VPS13D: variants seen among roughly 807,000 people sequenced by gnomAD.
VPS13D encodes vacuolar protein sorting 13 homolog D.
Under a neutral mutation model 461.9 loss-of-function variants are expected in VPS13D, and 187 were observed. The ratio of observed to expected loss-of-function variants is 0.40; its 90% CI spans 0.36 to 0.46. The LOEUF is 0.46. Among genes scored for constraint, VPS13D ranks in the 20% least tolerant of loss-of-function variants. The pLI is 0.60. For missense variants in VPS13D, 4,711 were observed against 5,364.9 expected (o/e 0.88, Z 3.81); for synonymous variants, 1,951 against 1,986.3 (o/e 0.98, Z 0.47).
chr1:12,375,581 C>T (rs1261248760), intron 55 of VPS13D, among the ~76,000 whole-genome samples: 2 of 152,166 alleles, frequency 1.3e-5, no homozygotes, highest in Non-Finnish European at 2.9e-5. Context: ...TGTAACTCAT[C>T]CTCCGTCACC....
At chr1:12,454,028 C>T (rs559498893) in intron 65 of VPS13D, 12 of 152,200 alleles carry the variant, frequency 7.9e-5, no homozygotes, top group African/African-American at 1.9e-4. Flanking sequence ...TTCCCTCAAA[C>T]GCTGCAGGCA....
chr1:12,496,720 A>G (rs926721523), intron 67 of VPS13D, among the ~76,000 whole-genome samples: 1 of 152,232 alleles, frequency 6.6e-6, no homozygotes, highest in Non-Finnish European at 1.5e-5. Flanking sequence ...GTACTTACCA[A>G]TTACCCTGTA....
At chr1:12,452,028 C>G (rs1229417879) in intron 65 of VPS13D, among the ~76,000 whole-genome samples, 1 of 152,174 alleles carries the variant, frequency 6.6e-6, no homozygotes, top group Non-Finnish European at 1.5e-5. Context: ...TGTTGGGTGT[C>G]ACAGTCAAAA....
chr1:12,345,064 T>C (rs1374065637), intron 42 of VPS13D: 3 of 240,326 alleles, frequency 1.2e-5, no homozygotes, highest in African/African-American at 2.2e-5. Flanking sequence ...AGTGACATCA[T>C]TATATAGGTT....
At chr1:12,455,131 A>G (rs1362547512) in intron 65 of VPS13D, among the ~76,000 whole-genome samples, 2 of 152,226 alleles carry the variant, frequency 1.3e-5, no homozygotes, top group African/African-American at 2.4e-5. Flanking sequence ...CATGAGTTCA[A>G]GTCTGCCACC....
At position 12,285,521 on chromosome 1, in the gene VPS13D, C is replaced by T. The variant is rs186813356; in HGVS notation, c.5634+1785C>T. On this transcript the variant is annotated intron_variant, in intron 21 of 69. Transcript: ENST00000620676. ...GTCAGGCTGGTCTCAAACTCCTGAC[C>T]TCAAGTGGTCTGCCTGCCTCAGTCT... Among the ~76,000 whole-genome samples the T allele has an allele frequency of 1.8e-3, 279 of 152,076 alleles. 1 individual carries two copies. The highest frequency in any genetic ancestry group is 6.2e-3 in the African/African-American group (255 of 41,456).
At chr1:12,415,366 C>A (rs1456900441) in intron 64 of VPS13D, 145 bp downstream of exon 64, 5 of 1,032,992 alleles carry the variant, frequency 4.8e-6, no homozygotes, top group African/African-American at 4.8e-5. Flanking sequence ...GGTCACTTCC[C>A]AAGAAGCCCG....
At chr1:12,486,592 G>C (rs535475672) in intron 67 of VPS13D, among the ~76,000 whole-genome samples, 100 of 152,324 alleles carry the variant, frequency 6.6e-4, no homozygotes, top group Middle Eastern at 3.4e-3. Flanking sequence ...CAGCTCTCCA[G>C]TTGCCCTCTG....
chr1:12,298,563 G>A (rs1223902915), intron 24 of VPS13D, among the ~76,000 whole-genome samples: 2 of 151,818 alleles, frequency 1.3e-5, no homozygotes, highest in African/African-American at 4.8e-5. Context: ...TCTCACTTGA[G>A]GCCAGGAGGT....
rs898262231 is a variant in VPS13D, at chr1:12,438,997, G to A, written c.12334-17001G>A. ...CTCCCGCGCCCACCTTCTAGTCCTC[G>A]TTCATCTTTGGCCTGGTTTTTATTG... On this transcript the variant is annotated intron_variant, in intron 65 of 69. Coordinates refer to ENST00000620676, the MANE Select transcript of VPS13D (RefSeq NM_015378.4). Among the ~76,000 whole-genome samples the A allele has an allele frequency of 5.3e-5, 8 of 152,004 alleles. No homozygotes were observed. The East Asian group carries it at 7.7e-4, about 15-fold the overall frequency.
At chr1:12,292,182 C>T (rs971029156) in intron 23 of VPS13D, among the ~76,000 whole-genome samples, 3 of 141,866 alleles carry the variant, frequency 2.1e-5, no homozygotes, top group Admixed American at 1.5e-4. Context: ...TAGCTTGAAC[C>T]TGGGGGACGG....
intron 25 of VPS13D, among the ~76,000 whole-genome samples, chr1:12,300,039 C>A (rs12118401): frequency 6.6e-6 from 1 of 151,606 alleles, no homozygotes; most frequent in Non-Finnish European, 1.5e-5. Context: ...CGACTCCGCT[C>A]TAGTAGTTGA....
Position 12,303,547 on chromosome 1 carries a change from T to A in VPS13D, c.6217-959T>A, listed in dbSNP as rs1266887328. Among the ~76,000 whole-genome samples the A allele has an allele frequency of 2.6e-5, 4 of 152,336 alleles. No homozygotes were observed. In the East Asian group the frequency reaches 7.7e-4, roughly 29 times the overall value. On this transcript the variant is annotated intron_variant, in intron 25 of 69. Transcript: ENST00000620676. ...ATGACATTTACCTAGTAATCTGCCT[T>A]GCAAAAAAATAAAAAAATTGCAGAA...
chr1:12,443,163 C>A (rs950640645), intron 65 of VPS13D, among the ~76,000 whole-genome samples: 2 of 152,240 alleles, frequency 1.3e-5, no homozygotes, highest in African/African-American at 4.8e-5. Flanking sequence ...AAATCTTTCT[C>A]TTCTGTTTAC....
At chr1:12,345,598 T>G in intron 43 of VPS13D, 89 bp downstream of exon 43, 5 of 1,490,870 alleles carry the variant, frequency 3.4e-6, no homozygotes, top group Non-Finnish European at 4.5e-6. Flanking sequence ...AATGAAACTT[T>G]CTTGTTCTTT....
At chr1:12,508,781 G>T in intron 69 of VPS13D, 112 bp from the exon 70 acceptor site, 3 of 1,201,152 alleles carry the variant, frequency 2.5e-6, no homozygotes, top group Non-Finnish European at 3.5e-6. Flanking sequence ...TTTCTTTGAC[G>T]TGTACATCCC....
intron 67 of VPS13D, among the ~76,000 whole-genome samples, chr1:12,493,567 A>G (rs1227473996): frequency 6.6e-6 from 1 of 152,144 alleles, no homozygotes; most frequent in African/African-American, 2.4e-5. Flanking sequence ...TCACTTAAAA[A>G]TGGACACACT....
chr1:12,288,339 C>T, intron 22 of VPS13D, 26 bp downstream of exon 22: 1 of 1,597,384 alleles, frequency 6.3e-7, no homozygotes, highest in Non-Finnish European at 8.6e-7. Flanking sequence ...TGGAGGGAAG[C>T]AAACTTGCAA....
chr1:12,362,337 G>A (rs966694872), intron 50 of VPS13D, among the ~76,000 whole-genome samples: 3 of 152,194 alleles, frequency 2.0e-5, no homozygotes, highest in African/African-American at 7.2e-5. Flanking sequence ...AGGAAATTTT[G>A]TGTCCCAGGT....
Sources: gnomAD v4.1 joint callset for allele counts (sites outside exome capture counted in the v4.1 genomes callset) on GRCh38, gnomAD v4.1.1 for gene constraint, MANE v1.5 for transcripts, NCBI Gene and HGNC (gene_info 2026-07-23, HGNC 2026-07-21) for gene names.